CEP128: variants seen among roughly 807,000 people sequenced by gnomAD.
CEP128 encodes the protein centrosomal protein 128, also known as centrosomal protein 128kDa.
CEP128 carries 132 observed loss-of-function variants against 156.7 expected under a neutral mutation model. That is an observed-to-expected ratio of 0.84 (90% CI 0.73 to 0.97). The LOEUF (loss-of-function observed/expected upper bound fraction) is 0.97. Among genes scored for constraint, CEP128 ranks in the 50% least tolerant of loss-of-function variants. The pLI, the probability that CEP128 is intolerant of heterozygous loss-of-function variation, is 0.00. For missense variants in CEP128, 1,252 were observed against 1,281.9 expected (o/e 0.98, Z 0.36); for synonymous variants, 469 against 448.9 (o/e 1.04, Z -0.57).
At chr14:80,630,435 G>C (rs111773617) in intron 19 of CEP128, among the ~76,000 whole-genome samples, 107 of 152,030 alleles carry the variant, frequency 7.0e-4, no homozygotes, top group African/African-American at 2.3e-3. Flanking sequence ...ACTTAGATGT[G>C]AGGTAAATTC....
chr14:80,490,766 C>T (rs1034845058), intron 6 of CEP128: 7 of 152,168 alleles, frequency 4.6e-5, no homozygotes, highest in East Asian at 1.9e-4. Context: ...AAAAAAAATA[C>T]TCTAGTACTT....
At chr14:80,540,408 G>A (rs1889702008) in intron 21 of CEP128, among the ~76,000 whole-genome samples, 2 of 152,198 alleles carry the variant, frequency 1.3e-5, no homozygotes, top group African/African-American at 4.8e-5. Context: ...CCCCAGTAAG[G>A]ATAAACTCAG....
intron 18 of CEP128, among the ~76,000 whole-genome samples, chr14:80,747,765 C>A (rs529135723): frequency 1.3e-5 from 2 of 152,296 alleles, no homozygotes; most frequent in Non-Finnish European, 2.9e-5. Flanking sequence ...CAAAATCACA[C>A]CATTGCGCTC....
intron 9 of CEP128, among the ~76,000 whole-genome samples, chr14:80,843,826 TTTAA>T (rs543578854): frequency 8.2e-4 from 124 of 152,132 alleles, no homozygotes; most frequent in African/African-American, 2.7e-3. Context: ...TCATGGAAAC[TTTAA>T]TTAAAATTTT....
intron 19 of CEP128, among the ~76,000 whole-genome samples, chr14:80,584,290 T>C (rs1034053758): frequency 6.6e-6 from 1 of 151,670 alleles, no homozygotes; most frequent in Non-Finnish European, 1.5e-5. Flanking sequence ...GGATTACAGG[T>C]GCCAGCCAGC....
chr14:80,861,649 G>A (rs1887517541), intron 9 of CEP128, among the ~76,000 whole-genome samples: 1 of 151,980 alleles, frequency 6.6e-6, no homozygotes, highest in Admixed American at 6.6e-5. Flanking sequence ...CCAGATTAAA[G>A]GAAACTAAAG....
In CEP128 at chr14:80,497,466, T is replaced by G. The variant is rs1566739889; in HGVS notation, c.*13A>C. The G allele has an allele frequency of 2.0e-6, 3 of 1,535,826 alleles. No individual in the cohort carries two copies. Among genetic ancestry groups the G allele is most frequent in the South Asian group, 1.1e-5 (1 of 88,144 alleles). On this transcript the variant is annotated 3_prime_UTR_variant, in exon 25 of 25. Transcript: ENST00000555265. ...AACATACTCATGTAAAATAACAAATTACATTTGCTTTTTTAGCTCCCATAT... is the reference window on the plus strand; with the variant it reads ...AACATACTCATGTAAAATAACAAATGACATTTGCTTTTTTAGCTCCCATAT...
intron 19 of CEP128, among the ~76,000 whole-genome samples, chr14:80,636,788 A>T (rs1266518648): frequency 6.6e-6 from 1 of 152,078 alleles, no homozygotes; most frequent in Admixed American, 6.5e-5. Context: ...TGAATTTTCC[A>T]TTGAAAATAC....
intron 23 of CEP128, among the ~76,000 whole-genome samples, chr14:80,511,027 T>C (rs1888222718): frequency 6.6e-6 from 1 of 150,472 alleles, no homozygotes. Context: ...TTTTCATCAA[T>C]GTTCATCAGA....
intron 13 of CEP128, among the ~76,000 whole-genome samples, chr14:80,805,075 T>C (rs189934486): frequency 6.6e-6 from 1 of 152,058 alleles, no homozygotes; most frequent in African/African-American, 2.4e-5. Context: ...TCTCCTATCA[T>C]ATGGAAATCC....
intron 2 of CEP128, among the ~76,000 whole-genome samples, chr14:80,956,573 A>G (rs1886704573): frequency 6.6e-6 from 1 of 152,250 alleles, no homozygotes; most frequent in African/African-American, 2.4e-5. Context: ...ATCAGTGATC[A>G]TTGAAATTGT....
intron 19 of CEP128, among the ~76,000 whole-genome samples, chr14:80,586,432 A>G (rs568754655): frequency 6.6e-6 from 1 of 152,346 alleles, no homozygotes; most frequent in South Asian, 2.1e-4. Flanking sequence ...TTAATGGTGT[A>G]TCAATCTGAG....
At position 80,609,662 on chromosome 14, in the gene CEP128, TA is replaced by T. The variant is rs1469700233; in HGVS notation, c.2807-29240del. Among the ~76,000 whole-genome samples, 4 of 152,164 alleles carry T rather than the reference TA, an allele frequency of 2.6e-5. No homozygotes were observed. In the East Asian group the frequency reaches 7.7e-4, roughly 29 times the overall value. On this transcript the variant is annotated intron_variant, in intron 19 of 24. Transcript: ENST00000555265. ...CCCATGTCATTGGTGTCATTACCAG[TA>T]CACCCTAACCAACAGAGTTAACCTC...
At chr14:80,721,469 A>G (rs1309762463) in intron 19 of CEP128, among the ~76,000 whole-genome samples, 1 of 152,206 alleles carries the variant, frequency 6.6e-6, no homozygotes, top group Non-Finnish European at 1.5e-5. Flanking sequence ...TTGGCATCTC[A>G]GTTGAAAAAC....
chr14:80,830,613 G>A, intron 13 of CEP128: 1 of 176,056 alleles, frequency 5.7e-6, no homozygotes, highest in Non-Finnish European at 1.2e-5. Context: ...TAGCTGCCTA[G>A]TTATACTCCA....
intron 2 of CEP128, chr14:80,955,054 G>A (rs1291818320): frequency 6.2e-6 from 1 of 160,676 alleles, no homozygotes; most frequent in African/African-American, 2.4e-5. Flanking sequence ...AGGGGTGCAG[G>A]GCGACGGCTT....
At chr14:80,950,831 A>G (rs1047814724) in intron 2 of CEP128, among the ~76,000 whole-genome samples, 2 of 151,880 alleles carry the variant, frequency 1.3e-5, no homozygotes. Flanking sequence ...GGAAACTTGA[A>G]GAAAAGTACA....
intron 19 of CEP128, among the ~76,000 whole-genome samples, chr14:80,619,363 C>CACAA (rs1438637168): frequency 5.2e-5 from 6 of 114,972 alleles, no homozygotes; most frequent in African/African-American, 1.9e-4. Context: ...TTTAAAGACA[C>CACAA]ACAGACACAC....
In CEP128 at chr14:80,765,883, C is replaced by T. The variant is rs924102356; in HGVS notation, c.2377-4270G>A. On this transcript the variant is annotated intron_variant, in intron 16 of 24. Coordinates refer to ENST00000555265, the MANE Select transcript of CEP128 (RefSeq NM_152446.5). ...CTGACTAGTCTTCTCTCTTAAAATG[C>T]TAGAAAGGCTGAGGCCTTAACATTA... Among the ~76,000 whole-genome samples the T allele has an allele frequency of 4.6e-5, 7 of 152,270 alleles. No homozygotes were observed. In the East Asian group the frequency reaches 9.6e-4, roughly 21 times the overall value.
Sources: gnomAD v4.1 joint callset for allele counts (sites outside exome capture counted in the v4.1 genomes callset) on GRCh38, gnomAD v4.1.1 for gene constraint, MANE v1.5 for transcripts, NCBI Gene and HGNC (gene_info 2026-07-23, HGNC 2026-07-21) for gene names.